USP22: variants seen among roughly 807,000 people sequenced by gnomAD.
The protein encoded by USP22 is ubiquitin carboxyl-terminal hydrolase 22.
In USP22, 22 loss-of-function variants were observed where a neutral mutation model predicts 68.1. That is an observed-to-expected ratio of 0.32 (90% CI 0.23 to 0.46). The LOEUF is 0.46. Among genes scored for constraint, USP22 ranks in the 20% least tolerant of loss-of-function variants. The probability of loss-of-function intolerance (pLI) is 1.00; values close to 1 mark genes in which losing one functional copy is unlikely to be tolerated. For synonymous variants in USP22, 279 were observed against 274.2 expected, an observed-to-expected ratio of 1.02 and a Z score of -0.17; for missense variants, 433 against 695.8, an observed-to-expected ratio of 0.62 and a Z score of 4.25.
intron 5 of USP22, among the ~76,000 whole-genome samples, chr17:21,017,228 G>A (rs149062779): frequency 0.014 from 2,086 of 152,340 alleles, 35 homozygotes; most frequent in Admixed American, 0.047. Context: ...GTGAGCTGGC[G>A]TGGCTGCATC....
chr17:21,017,227 C>T (rs1056866219), intron 5 of USP22, among the ~76,000 whole-genome samples: 1 of 152,166 alleles, frequency 6.6e-6, no homozygotes, highest in African/African-American at 2.4e-5. Context: ...AGTGAGCTGG[C>T]GTGGCTGCAT....
Position 21,002,956 on chromosome 17 carries a change from G to C in USP22, c.*75C>G, listed in dbSNP as rs556823378. ...GAGGCGGCGGGAGACTTGGGGGAGG[G>C]GGGGGCCAGGGAGGATCACTTTGTG... On this transcript the variant is annotated 3_prime_UTR_variant, in exon 13 of 13. Transcript: ENST00000261497. 1.4e-4 allele frequency: 220 copies of C among 1,572,576 alleles called. 1 individual carries two copies. In the African/African-American group the frequency reaches 2.6e-3, roughly 18 times the overall value.
chr17:21,023,968 T>C (rs574985639), intron 2 of USP22, among the ~76,000 whole-genome samples: 3 of 152,354 alleles, frequency 2.0e-5, no homozygotes, highest in African/African-American at 7.2e-5. Flanking sequence ...ATTTCAGGTC[T>C]TAAGCTACTA....
At chr17:21,032,088 C>G (rs1352035808) in intron 1 of USP22, among the ~76,000 whole-genome samples, 1 of 152,198 alleles carries the variant, frequency 6.6e-6, no homozygotes, top group Admixed American at 6.5e-5. Flanking sequence ...GTAACCTTCT[C>G]TATGTTTAGC....
chr17:21,019,483 T>C (rs1310299649), intron 3 of USP22, among the ~76,000 whole-genome samples: 2 of 152,246 alleles, frequency 1.3e-5, no homozygotes, highest in Non-Finnish European at 2.9e-5. Context: ...ATGTCTTCCA[T>C]CCTTCAGCAC....
At chr17:21,026,581 C>T (rs986891379) in intron 2 of USP22, among the ~76,000 whole-genome samples, 6 of 151,984 alleles carry the variant, frequency 3.9e-5, no homozygotes, top group African/African-American at 1.5e-4. Flanking sequence ...ACCTCAGCCT[C>T]CCGAAGTGCT....
intron 2 of USP22, among the ~76,000 whole-genome samples, chr17:21,025,560 C>CA (rs1404357634): frequency 1.3e-5 from 2 of 152,128 alleles, no homozygotes; most frequent in African/African-American, 4.8e-5. Flanking sequence ...TCCACAGTGG[C>CA]ACTATTCCTA....
intron 1 of USP22, among the ~76,000 whole-genome samples, chr17:21,039,395 T>A (rs1400090477): frequency 6.6e-6 from 1 of 151,578 alleles, no homozygotes; most frequent in Non-Finnish European, 1.5e-5. Flanking sequence ...CTGACCAACA[T>A]GAAGAAACCC....
intron 5 of USP22, 107 bp from the exon 6 acceptor site, chr17:21,016,006 C>A: frequency 7.3e-7 from 1 of 1,368,956 alleles, no homozygotes; most frequent in South Asian, 1.5e-5. Flanking sequence ...GGCTGTGGCT[C>A]ATTTGACACA....
Position 21,002,842 on chromosome 17 carries a change from C to G in USP22, c.*189G>C, listed in dbSNP as rs1402351601. 1.1e-5 allele frequency: 7 copies of G among 644,978 alleles called. No homozygotes were observed. The highest frequency in any genetic ancestry group is 1.6e-5 in the Non-Finnish European group (6 of 365,260). The allele number at this position is 644,978 out of a possible 1,614,324, so 40.0% of individuals were successfully genotyped here. ...TCCATCTTCAAAGCAGCTCCAGGAG[C>G]CTCCCCGTCCGTGTGGTCCATCCCG... On this transcript the variant is annotated 3_prime_UTR_variant, in exon 13 of 13. Coordinates refer to ENST00000261497, the MANE Select transcript of USP22 (RefSeq NM_015276.2).
At chr17:21,003,443 T>C (rs1199035977) in intron 12 of USP22, among the ~76,000 whole-genome samples, 1 of 152,190 alleles carries the variant, frequency 6.6e-6, no homozygotes, top group Non-Finnish European at 1.5e-5. Flanking sequence ...CCCAGATTCT[T>C]CCAAATAAAA....
chr17:21,030,384 GTGTATGTA>G (rs945403264), intron 1 of USP22, among the ~76,000 whole-genome samples: 10 of 57,748 alleles, frequency 1.7e-4, no homozygotes, highest in South Asian at 7.6e-4. Context: ...GTGTGTGTGT[GTGTATGTA>G]TGTATGTATG....
At position 21,004,371 on chromosome 17, in the gene USP22, G is replaced by C. The variant is rs1180550347; in HGVS notation, c.1386-20C>G. The C allele has an allele frequency of 6.2e-7, 1 of 1,612,144 alleles. No homozygotes were observed. Among genetic ancestry groups the C allele is most frequent in the Non-Finnish European group, 8.5e-7 (1 of 1,178,478 alleles). On this transcript the variant is annotated intron_variant, in intron 11 of 12. Coordinates refer to ENST00000261497, the MANE Select transcript of USP22 (RefSeq NM_015276.2). ...GAATACCTAGTGCAGGAGCAAAGGA[G>C]AGGGAGGGCGCAGGTGACTTGATGC...
chr17:21,011,869 G>T lies in USP22; in HGVS notation c.945-560C>A, dbSNP rs181707442. On this transcript the variant is annotated intron_variant, in intron 7 of 12. Coordinates refer to ENST00000261497, the MANE Select transcript of USP22 (RefSeq NM_015276.2). ...GATATTTATACAGGATTTAAATCTT[G>T]AGACAATCTCCTACTAATGGAATTC... 5.5e-4 allele frequency among the ~76,000 whole-genome samples: 83 copies of T among 152,278 alleles called. No individual in the cohort carries two copies. The East Asian group carries it at 0.016, about 29-fold the overall frequency.
intron 7 of USP22, among the ~76,000 whole-genome samples, chr17:21,011,816 A>G (rs1272165928): frequency 1.3e-5 from 2 of 152,200 alleles, no homozygotes; most frequent in African/African-American, 4.8e-5. Context: ...TAAAAAATGA[A>G]AACTTGCAGA....
In USP22 at chr17:21,019,220, GC is replaced by G. The variant is rs764897237; in HGVS notation, c.419-36del. 59 of 1,596,818 alleles carry G rather than the reference GC, an allele frequency of 3.7e-5. No individual in the cohort carries two copies. The Middle Eastern group carries it at 1.0e-3, about 27-fold the overall frequency. On this transcript the variant is annotated intron_variant, in intron 3 of 12. Transcript: ENST00000261497. ...TGAAGGACAGTTCCAAGCGCTATTA[GC>G]TAGATTTTCACATCAAGTGTGTTTA...
intron 1 of USP22, among the ~76,000 whole-genome samples, chr17:21,040,352 G>A (rs1972410595): frequency 6.6e-6 from 1 of 152,184 alleles, no homozygotes. Flanking sequence ...GCAGGACACC[G>A]CACATGAAGT....
chr17:21,003,014 A>T lies in USP22; in HGVS notation c.*17T>A. Reference sequence around the variant, plus strand: ...CCAATGCATTGCCTTTGTTTTTCTGACCAGCTGCAGATAAGGCTACTCGTA... The same window carrying T: ...CCAATGCATTGCCTTTGTTTTTCTGTCCAGCTGCAGATAAGGCTACTCGTA... On this transcript the variant is annotated 3_prime_UTR_variant, in exon 13 of 13. Coordinates refer to ENST00000261497, the MANE Select transcript of USP22 (RefSeq NM_015276.2). 6.2e-7 allele frequency: 1 copy of T among 1,613,286 alleles called. No individual in the cohort carries two copies.
intron 3 of USP22, among the ~76,000 whole-genome samples, 200 bp downstream of exon 3, chr17:21,020,913 A>G (rs1972148870): frequency 6.6e-6 from 1 of 152,174 alleles, no homozygotes; most frequent in South Asian, 2.1e-4. Context: ...GCAGCTATGC[A>G]TGCCTCGACA....
Sources: allele counts gnomAD v4.1 joint callset (sites outside exome capture counted in the v4.1 genomes callset), GRCh38; gene constraint gnomAD v4.1.1; transcripts MANE v1.5; gene names NCBI Gene and HGNC (gene_info 2026-07-23, HGNC 2026-07-21).